METTL8: variants seen among roughly 807,000 people sequenced by gnomAD.
METTL8 encodes the protein methyltransferase 8, tRNA N3-cytidine.
Under a neutral mutation model 48.7 loss-of-function variants are expected in METTL8, and 32 were observed. The observed-to-expected ratio is 0.66, with a 90% CI of 0.50 to 0.88. The LOEUF (loss-of-function observed/expected upper bound fraction) is 0.88, where lower values mean the gene tolerates loss of function less well. Ranked by LOEUF, METTL8 falls within the 40% of genes least tolerant of loss-of-function variation. METTL8 has a pLI of 0.00. For synonymous variants in METTL8, 136 were observed against 157.1 expected, an observed-to-expected ratio of 0.87 and a Z score of 1.01; for missense variants, 464 against 474.4, an observed-to-expected ratio of 0.98 and a Z score of 0.20.
rs538550659 is a variant in METTL8, at chr2:171,330,875, A to C, written c.721-177T>G. ...AGCTTATTTCAAGCTGCCCTAAAAA[A>C]ATTAAGGCTAGCTCTTGGCCTTGAT... On this transcript the variant is annotated intron_variant, in intron 6 of 9. Transcript: ENST00000375258. Among the ~76,000 whole-genome samples the C allele has an allele frequency of 8.5e-5, 13 of 152,284 alleles. No homozygotes were observed. The South Asian group carries it at 1.2e-3, about 15-fold the overall frequency.
intron 3 of METTL8, 60 bp from the exon 4 acceptor site, chr2:171,339,614 A>G: frequency 1.1e-6 from 1 of 920,822 alleles, no homozygotes; most frequent in Non-Finnish European, 1.6e-6. Flanking sequence ...ACTATTAGCT[A>G]CTGTCTTGAT....
chr2:171,373,833 G>T (rs969346102), intron 2 of METTL8, among the ~76,000 whole-genome samples: 20 of 152,102 alleles, frequency 1.3e-4, no homozygotes, highest in African/African-American at 4.3e-4. Flanking sequence ...TGTTCCATTG[G>T]TCTATATCTC....
At chr2:171,426,121 C>T (rs985416186) in intron 1 of METTL8, among the ~76,000 whole-genome samples, 11 of 152,150 alleles carry the variant, frequency 7.2e-5, no homozygotes, top group African/African-American at 2.4e-4. Context: ...TGAGCCACTG[C>T]ACTCCAGCCT....
chr2:171,365,275 G>A (rs536998942), intron 2 of METTL8, among the ~76,000 whole-genome samples: 1 of 152,276 alleles, frequency 6.6e-6, no homozygotes, highest in Admixed American at 6.5e-5. Context: ...ACTCATTTTA[G>A]TCCCGATAAG....
chr2:171,355,304 G>A (rs1160890010), intron 3 of METTL8, among the ~76,000 whole-genome samples: 5 of 152,190 alleles, frequency 3.3e-5, no homozygotes, highest in Non-Finnish European at 1.5e-5. Context: ...AACGGCAAAT[G>A]CTGCTGTCTG....
At chr2:171,346,247 A>G (rs1687254240) in intron 3 of METTL8, among the ~76,000 whole-genome samples, 1 of 152,148 alleles carries the variant, frequency 6.6e-6, no homozygotes, top group South Asian at 2.1e-4. Flanking sequence ...GGCTGGTCTC[A>G]AATTCCTGGG....
At chr2:171,423,143 G>A (rs2105661375) in intron 1 of METTL8, among the ~76,000 whole-genome samples, 2 of 152,328 alleles carry the variant, frequency 1.3e-5, no homozygotes, top group South Asian at 4.1e-4. Flanking sequence ...GAAGAACGAT[G>A]TGTTTGCTTC....
intron 3 of METTL8, among the ~76,000 whole-genome samples, chr2:171,346,995 T>C (rs1687332413): frequency 6.6e-6 from 1 of 152,186 alleles, no homozygotes; most frequent in African/African-American, 2.4e-5. Context: ...CCTCAGTTAT[T>C]GCTCTGTGTG....
intron 1 of METTL8, among the ~76,000 whole-genome samples, chr2:171,417,290 G>A (rs1033497867): frequency 6.6e-6 from 1 of 152,170 alleles, no homozygotes; most frequent in African/African-American, 2.4e-5. Flanking sequence ...TGAAAACAAA[G>A]TATTATGGAT....
intron 2 of METTL8, among the ~76,000 whole-genome samples, chr2:171,366,913 G>A (rs1685785228): frequency 6.6e-6 from 1 of 151,104 alleles, no homozygotes; most frequent in South Asian, 2.1e-4. Flanking sequence ...AAAAAACTGG[G>A]AGGGTTAACA....
At chr2:171,346,265 G>T (rs1309055950) in intron 3 of METTL8, among the ~76,000 whole-genome samples, 1 of 152,188 alleles carries the variant, frequency 6.6e-6, no homozygotes, top group African/African-American at 2.4e-5. Flanking sequence ...GGGCTCAAGA[G>T]ATCCTTCCAC....
intron 3 of METTL8, among the ~76,000 whole-genome samples, chr2:171,352,546 C>T (rs1014211984): frequency 1.5e-4 from 23 of 152,116 alleles, no homozygotes; most frequent in Non-Finnish European, 3.1e-4. Context: ...AGGAATGGTA[C>T]CAGCTCCTCC....
chr2:171,380,908 C>T (rs1364066290), intron 2 of METTL8, among the ~76,000 whole-genome samples: 1 of 152,184 alleles, frequency 6.6e-6, no homozygotes, highest in Non-Finnish European at 1.5e-5. Flanking sequence ...CTTTAAATTT[C>T]ATATGGAACT....
rs1684274824 is a variant in METTL8 at position 171,354,274 on chromosome 2, T to C, written c.235+6148A>G. ...TTGAAAGTTCTTTTCTTTAAGAATG[T>C]TGAATATCGGCCCCCACTCTCTTCT... On this transcript the variant is annotated intron_variant, in intron 3 of 9. Transcript: ENST00000375258. Among the ~76,000 whole-genome samples, 4 of 152,234 alleles carry C rather than the reference T, an allele frequency of 2.6e-5. 1 individual carries two copies. The highest frequency in any genetic ancestry group is 5.9e-5 in the Non-Finnish European group (4 of 68,048).
chr2:171,399,725 A>C (rs1689460030), intron 1 of METTL8, among the ~76,000 whole-genome samples: 2 of 152,222 alleles, frequency 1.3e-5, no homozygotes, highest in South Asian at 2.1e-4. Flanking sequence ...ATGACAAAAT[A>C]CCTCTTAACT....
At chr2:171,415,587 T>A (rs1691234006) in intron 1 of METTL8, among the ~76,000 whole-genome samples, 1 of 152,062 alleles carries the variant, frequency 6.6e-6, no homozygotes, top group Admixed American at 6.6e-5. Flanking sequence ...CCTGACCTTG[T>A]GATCCACCCG....
chr2:171,394,613 C>T (rs749809335), intron 1 of METTL8, among the ~76,000 whole-genome samples: 1 of 152,210 alleles, frequency 6.6e-6, no homozygotes, highest in Non-Finnish European at 1.5e-5. Context: ...TAATTAACCA[C>T]ACAAACATCT....
chr2:171,405,088 C>A (rs761300768), intron 1 of METTL8, among the ~76,000 whole-genome samples: 1 of 152,036 alleles, frequency 6.6e-6, no homozygotes, highest in Non-Finnish European at 1.5e-5. Context: ...GGCAAAAAGG[C>A]TAGATAATGG....
intron 2 of METTL8, among the ~76,000 whole-genome samples, chr2:171,387,939 G>A (rs1688236305): frequency 6.6e-6 from 1 of 152,162 alleles, no homozygotes; most frequent in Admixed American, 6.5e-5. Context: ...CAGATATCAT[G>A]CCCAACTTGA....
Sources: gnomAD v4.1 joint callset for allele counts (sites outside exome capture counted in the v4.1 genomes callset) on GRCh38, gnomAD v4.1.1 for gene constraint, MANE v1.5 for transcripts, NCBI Gene and HGNC (gene_info 2026-07-23, HGNC 2026-07-21) for gene names.